The following PRKD1 variants were observed in gnomAD, a reference collection of about 807,000 sequenced individuals.
PRKD1 encodes serine/threonine-protein kinase D1.
A neutral mutation model predicts 95.9 loss-of-function variants in PRKD1; 63 were observed. The observed-to-expected ratio is 0.66, with a 90% CI of 0.54 to 0.81. PRKD1 has a LOEUF of 0.81. Among genes scored for constraint, PRKD1 ranks in the 30% least tolerant of loss-of-function variants. The pLI is 0.00. For synonymous variants in PRKD1, 425 were observed against 423.1 expected, an observed-to-expected ratio of 1.00 and a Z score of -0.05; for missense variants, 1,048 against 1,165.3, an observed-to-expected ratio of 0.90 and a Z score of 1.47.
intron 1 of PRKD1, among the ~76,000 whole-genome samples, chr14:29,852,535 GGAGA>G (rs34211278): frequency 6.7e-6 from 1 of 149,108 alleles, no homozygotes; most frequent in Non-Finnish European, 1.5e-5. Flanking sequence ...ACCAGAAGGA[GGAGA>G]GAGAGAGAGA....
chr14:29,785,784 T>G (rs8013930), intron 1 of PRKD1, among the ~76,000 whole-genome samples: 122,027 of 151,202 alleles, frequency 0.81, 50,195 homozygotes, highest in East Asian at 1. Context: ...TAACTAACCT[T>G]CACATTGTGC....
intron 1 of PRKD1, among the ~76,000 whole-genome samples, chr14:29,905,979 A>C (rs1209664974): frequency 1.3e-5 from 2 of 152,208 alleles, no homozygotes; most frequent in East Asian, 1.9e-4. Context: ...ACAAATTATA[A>C]AGAGAAAAAA....
intron 2 of PRKD1, among the ~76,000 whole-genome samples, chr14:29,670,326 C>G (rs1395285831): frequency 1.3e-5 from 2 of 152,050 alleles, no homozygotes; most frequent in Non-Finnish European, 2.9e-5. Context: ...AGGGATGGAA[C>G]AGAAGACAAA....
At chr14:29,662,909 T>G (rs971298687) in intron 4 of PRKD1, among the ~76,000 whole-genome samples, 1 of 151,494 alleles carries the variant, frequency 6.6e-6, no homozygotes, top group Non-Finnish European at 1.5e-5. Flanking sequence ...CTCAAACTAT[T>G]AGCGTATTTC....
chr14:29,803,177 T>C (rs1890102539), intron 1 of PRKD1, among the ~76,000 whole-genome samples: 2 of 152,132 alleles, frequency 1.3e-5, no homozygotes, highest in Admixed American at 1.3e-4. Context: ...AGTATTTCAG[T>C]GGGCAGAAAT....
chr14:29,730,442 A>G (rs967375495), intron 1 of PRKD1, among the ~76,000 whole-genome samples: 1 of 152,104 alleles, frequency 6.6e-6, no homozygotes, highest in Non-Finnish European at 1.5e-5. Flanking sequence ...CAGCCACTAT[A>G]AAAACAGTAT....
intron 1 of PRKD1, among the ~76,000 whole-genome samples, chr14:29,842,772 G>A (rs1205403310): frequency 6.6e-6 from 1 of 152,126 alleles, no homozygotes; most frequent in Admixed American, 6.5e-5. Flanking sequence ...ACAGGATTAT[G>A]AGCATACCAA....
At chr14:29,919,591 T>C (rs1256696825) in intron 1 of PRKD1, among the ~76,000 whole-genome samples, 2 of 152,236 alleles carry the variant, frequency 1.3e-5, no homozygotes, top group Admixed American at 1.3e-4. Flanking sequence ...TATCTCATAT[T>C]CTTATAGATT....
At chr14:29,890,701 C>T (rs1398181950) in intron 1 of PRKD1, among the ~76,000 whole-genome samples, 1 of 152,090 alleles carries the variant, frequency 6.6e-6, no homozygotes, top group African/African-American at 2.4e-5. Context: ...AATTTAGTAA[C>T]CCTTCTAAGG....
At chr14:29,843,718 G>A (rs1891963232) in intron 1 of PRKD1, among the ~76,000 whole-genome samples, 1 of 152,138 alleles carries the variant, frequency 6.6e-6, no homozygotes, top group Non-Finnish European at 1.5e-5. Context: ...TACCTACAAT[G>A]GAGTTTCCAC....
chr14:29,631,500 CTTTT>C (rs370333345), intron 9 of PRKD1, among the ~76,000 whole-genome samples: 2 of 140,264 alleles, frequency 1.4e-5, no homozygotes, highest in African/African-American at 5.2e-5. Flanking sequence ...TTAAAATGGT[CTTTT>C]TTTTTTTTTT....
At chr14:29,841,186 C>T (rs1351409479) in intron 1 of PRKD1, among the ~76,000 whole-genome samples, 1 of 152,172 alleles carries the variant, frequency 6.6e-6, no homozygotes, top group East Asian at 1.9e-4. Context: ...GGCTCATAGG[C>T]AGAAGAGACT....
chr14:29,815,985 C>T (rs1215120937), intron 1 of PRKD1, among the ~76,000 whole-genome samples: 34 of 152,130 alleles, frequency 2.2e-4, no homozygotes, highest in Admixed American at 9.2e-4. Context: ...TTTGGGAGGC[C>T]GAGGTGGGCG....
chr14:29,602,276 G>A lies in PRKD1; in HGVS notation c.1906-2459C>T, dbSNP rs1168891441. 4.6e-5 allele frequency among the ~76,000 whole-genome samples: 7 copies of A among 152,202 alleles called. No homozygotes were observed. The East Asian group carries it at 1.2e-3, about 25-fold the overall frequency. ...GGGGCCCAGGGAGGGCAGGGGTCAC[G>A]GGAGTAGTATTGGAGCTGCACAGCC... On this transcript the variant is annotated intron_variant, in intron 13 of 17. Coordinates refer to ENST00000331968, the MANE Select transcript of PRKD1 (RefSeq NM_002742.3).
In PRKD1 at chr14:29,831,710, C is replaced by T. The variant is rs189363649; in HGVS notation, c.264+95539G>A. ...CATTCTGTTTATGGGTTTTCAAGTT[C>T]TTACTCTCTTTTGTTCTCCTGTTTA... On this transcript the variant is annotated intron_variant, in intron 1 of 17. Transcript: ENST00000331968. Among the ~76,000 whole-genome samples, 513 of 152,114 alleles carry T rather than the reference C, an allele frequency of 3.4e-3. 5 individuals are homozygous for T. The highest frequency in any genetic ancestry group is 6.4e-3 in the Non-Finnish European group (437 of 67,996).
intron 9 of PRKD1, among the ~76,000 whole-genome samples, chr14:29,632,596 C>T (rs910101674): frequency 3.3e-5 from 5 of 152,094 alleles, no homozygotes; most frequent in Non-Finnish European, 7.4e-5. Flanking sequence ...TCTCTGCTAA[C>T]ATATTCAATT....
chr14:29,866,225 G>C (rs1594587828), intron 1 of PRKD1, among the ~76,000 whole-genome samples: 1 of 151,150 alleles, frequency 6.6e-6, no homozygotes, highest in African/African-American at 2.4e-5. Flanking sequence ...CCTTAACTAT[G>C]CCATTTAAAC....
At chr14:29,670,218 T>C (rs1882759935) in intron 2 of PRKD1, among the ~76,000 whole-genome samples, 2 of 152,170 alleles carry the variant, frequency 1.3e-5, no homozygotes, top group Admixed American at 1.3e-4. Context: ...ATAGTATATG[T>C]TGAAAATAAA....
intron 6 of PRKD1, 165 bp downstream of exon 6, chr14:29,638,324 G>A: frequency 1.5e-6 from 1 of 657,044 alleles, no homozygotes; most frequent in South Asian, 2.0e-5. Flanking sequence ...AAACTCCATG[G>A]ATGCTTTTCT....
Sources: allele counts gnomAD v4.1 joint callset (sites outside exome capture counted in the v4.1 genomes callset), GRCh38; gene constraint gnomAD v4.1.1; transcripts MANE v1.5; gene names NCBI Gene and HGNC (gene_info 2026-07-23, HGNC 2026-07-21).